Variants in PCDHGA6 observed in about 807,000 individuals in gnomAD.
PCDHGA6 encodes the protein protocadherin gamma-A6.
A neutral mutation model predicts 60.6 loss-of-function variants in PCDHGA6; 41 were observed. The ratio of observed to expected loss-of-function variants is 0.68; its 90% CI spans 0.53 to 0.88. The LOEUF (loss-of-function observed/expected upper bound fraction) is 0.88. PCDHGA6 is among the 40% of genes least tolerant of loss of function. The pLI, the probability that PCDHGA6 is intolerant of heterozygous loss-of-function variation, is 0.00. For missense variants in PCDHGA6, 1,312 were observed against 1,203.0 expected, an observed-to-expected ratio of 1.09 and a Z score of -1.34; for synonymous variants, 594 against 524.4, an observed-to-expected ratio of 1.13 and a Z score of -1.81.
intron 1 of PCDHGA6, among the ~76,000 whole-genome samples, chr5:141,397,091 A>G (rs1162135708): frequency 1.3e-5 from 2 of 152,264 alleles, no homozygotes; most frequent in Non-Finnish European, 2.9e-5. Flanking sequence ...CATTTCAGAT[A>G]GGATAATAAT....
chr5:141,501,618 T>G (rs1307485559), intron 2 of PCDHGA6, among the ~76,000 whole-genome samples: 2 of 152,068 alleles, frequency 1.3e-5, no homozygotes, highest in African/African-American at 4.8e-5. Flanking sequence ...GTGACTCTGG[T>G]ATAGTCTCTC....
intron 1 of PCDHGA6, among the ~76,000 whole-genome samples, chr5:141,382,280 A>G (rs1218087661): frequency 6.6e-6 from 1 of 152,232 alleles, no homozygotes; most frequent in African/African-American, 2.4e-5. Context: ...TATGTGTTCA[A>G]TTAATACTGA....
At chr5:141,392,799 T>A in intron 1 of PCDHGA6, 1 of 1,570,210 alleles carries the variant, frequency 6.4e-7, no homozygotes, top group Non-Finnish European at 8.6e-7. Flanking sequence ...GAGAGGATTC[T>A]GCAGCAAAAC....
At chr5:141,384,755 T>C (rs1780456507) in intron 1 of PCDHGA6, 1 of 1,613,938 alleles carries the variant, frequency 6.2e-7, no homozygotes, top group South Asian at 1.1e-5. Flanking sequence ...CTCTTTGCGG[T>C]TGGGCTGTAC....
intron 1 of PCDHGA6, chr5:141,399,813 G>A (rs985564503): frequency 6.2e-7 from 1 of 1,613,198 alleles, no homozygotes; most frequent in Non-Finnish European, 8.5e-7. Context: ...TGTACCCCGC[G>A]CTGGGTCCCG....
chr5:141,476,187 G>T lies in PCDHGA6; in HGVS notation c.2425-18620G>T. 1 of 1,613,782 alleles carries T rather than the reference G, an allele frequency of 6.2e-7. No individual in the cohort carries two copies. The highest frequency in any genetic ancestry group is 8.5e-7 in the Non-Finnish European group (1 of 1,180,028). ...GTAGTGGGAGTTTTGCTTCTGCTTG[G>T]TGCCTTGAACAAGGCTTCCACGGTC... On this transcript the variant is annotated intron_variant, in intron 1 of 3. Transcript: ENST00000517434. This position sits in a 1 kb window ranked among gnomAD's most constrained non-coding sequence, Gnocchi z 7.6.
chr5:141,509,691 AC>A (rs1471858383), intron 3 of PCDHGA6, among the ~76,000 whole-genome samples: 5 of 152,064 alleles, frequency 3.3e-5, no homozygotes, highest in African/African-American at 1.2e-4. Flanking sequence ...GTACAGTGGG[AC>A]GTTGGACTGG....
Position 141,499,370 on chromosome 5 carries a change from A to T in PCDHGA6, c.2483+4505A>T, listed in dbSNP as rs546430948. ...CATTCAACAAACAAATAGCAACTTA[A>T]TTTTTTTCCACTTATAAAATAGTAC... On this transcript the variant is annotated intron_variant, in intron 2 of 3. Coordinates refer to ENST00000517434, the MANE Select transcript of PCDHGA6 (RefSeq NM_018919.3). 2.0e-3 allele frequency among the ~76,000 whole-genome samples: 300 copies of T among 152,286 alleles called. 1 individual carries two copies. The highest frequency in any genetic ancestry group is 2.7e-3 in the Non-Finnish European group (184 of 68,028).
intron 1 of PCDHGA6, chr5:141,404,701 G>T (rs563319884): frequency 6.2e-7 from 1 of 1,614,074 alleles, no homozygotes; most frequent in African/African-American, 1.3e-5. Flanking sequence ...GCTCTGCAGA[G>T]CCTGGCTACC....
At chr5:141,502,494 A>G (rs928571740) in intron 2 of PCDHGA6, among the ~76,000 whole-genome samples, 2 of 152,180 alleles carry the variant, frequency 1.3e-5, no homozygotes, top group South Asian at 2.1e-4. Context: ...GGACTCATCT[A>G]ACGTCGGCCT....
At chr5:141,479,200 AAAGT>A (rs1430087636) in intron 1 of PCDHGA6, 5 of 152,466 alleles carry the variant, frequency 3.3e-5, no homozygotes, top group African/African-American at 1.2e-4. Flanking sequence ...AAAATACAGA[AAAGT>A]ATTTAAAAAA....
intron 1 of PCDHGA6, among the ~76,000 whole-genome samples, chr5:141,451,908 G>A (rs899191624): frequency 3.9e-5 from 6 of 152,046 alleles, no homozygotes; most frequent in African/African-American, 7.2e-5. Context: ...AAGGGAGGGA[G>A]GGAGGAAGGA....
Position 141,512,738 on chromosome 5 carries a change from C to A in PCDHGA6, c.*1565C>A, listed in dbSNP as rs1350606944. 2 of 152,840 alleles carry A rather than the reference C, an allele frequency of 1.3e-5. No individual in the cohort carries two copies. The highest frequency in any genetic ancestry group is 2.1e-4 in the South Asian group (1 of 4,838). The allele number at this position is 152,840 out of a possible 1,614,324, so 9.5% of individuals were successfully genotyped here. A position where few individuals can be genotyped will look rare whatever the true frequency, so the allele number is the denominator to read the frequency against. On this transcript the variant is annotated 3_prime_UTR_variant, in exon 4 of 4. Transcript: ENST00000517434. ...TGGCGGGTGGGCAGCGGGCGGCGGG[C>A]TCCGCGCAGCCGTCTGTCCTTGATC...
At position 141,489,644 on chromosome 5, in the gene PCDHGA6, C is replaced by T. The variant is rs1244782345; in HGVS notation, c.2425-5163C>T. 11 of 1,614,070 alleles carry T rather than the reference C, an allele frequency of 6.8e-6. No individual in the cohort carries two copies. The Admixed American group carries it at 1.8e-4, about 27-fold the overall frequency. ...AATGACAACTCTCCTAGCTTTGCCA[C>T]CCCTGAGCGAGAGATGCGCATCTCA... is the stretch of plus-strand genomic sequence containing the variant. On this transcript the variant is annotated intron_variant, in intron 1 of 3. Coordinates refer to ENST00000517434, the MANE Select transcript of PCDHGA6 (RefSeq NM_018919.3). The surrounding 1 kb of genome is among the most constrained non-coding windows in gnomAD (Gnocchi z 4.5).
intron 1 of PCDHGA6, chr5:141,442,120 C>G (rs766641164): frequency 6.0e-6 from 1 of 165,340 alleles, no homozygotes; most frequent in Admixed American, 6.5e-5. Flanking sequence ...CCCTCGTCGC[C>G]GACAGCCTGC....
chr5:141,477,219 G>A lies in PCDHGA6; in HGVS notation c.2425-17588G>A. ...CCAGTACCCGAGGATGCCCCTCTGG[G>A]GACTGTCATCGCTTTGCTCAGTGTG... On this transcript the variant is annotated intron_variant, in intron 1 of 3. Coordinates refer to ENST00000517434, the MANE Select transcript of PCDHGA6 (RefSeq NM_018919.3). The surrounding 1 kb of genome is among the most constrained non-coding windows in gnomAD (Gnocchi z 4.9). 1 of 1,614,162 alleles carries A rather than the reference G, an allele frequency of 6.2e-7. No homozygotes were observed. The highest frequency in any genetic ancestry group is 8.5e-7 in the Non-Finnish European group (1 of 1,180,038).
chr5:141,420,840 TC>T (rs1453160032), intron 1 of PCDHGA6, among the ~76,000 whole-genome samples: 1 of 152,250 alleles, frequency 6.6e-6, no homozygotes, highest in Admixed American at 6.5e-5. Flanking sequence ...TCGCAGGTGT[TC>T]TTGGTAAAGT....
intron 1 of PCDHGA6, among the ~76,000 whole-genome samples, chr5:141,472,980 C>CAAAAA (rs60579131): frequency 1.7e-4 from 15 of 86,092 alleles, no homozygotes; most frequent in East Asian, 4.1e-4. Context: ...GAGTGAAACT[C>CAAAAA]AAAAAAAAAA....
At chr5:141,405,488 C>T (rs781076927) in intron 1 of PCDHGA6, 5 of 895,936 alleles carry the variant, frequency 5.6e-6, no homozygotes, top group Middle Eastern at 2.9e-4. Context: ...GGTGTGATCT[C>T]GGCTCATTGC....
Sources: gnomAD v4.1 joint callset for allele counts (sites outside exome capture counted in the v4.1 genomes callset) on GRCh38, gnomAD v4.1.1 for gene constraint, Gnocchi (gnomAD v3.1) non-coding constraint, MANE v1.5 for transcripts, NCBI Gene and HGNC (gene_info 2026-07-23, HGNC 2026-07-21) for gene names.